Variants in DGKB observed in about 807,000 individuals in gnomAD.
The protein encoded by DGKB is 90 kDa diacylglycerol kinase.
In DGKB, 67 loss-of-function variants were observed where a neutral mutation model predicts 114.3. That is an observed-to-expected ratio of 0.59 (90% CI 0.48 to 0.72). DGKB has a LOEUF of 0.72. Ranked by LOEUF, DGKB falls within the 30% of genes least tolerant of loss-of-function variation. The probability of loss-of-function intolerance (pLI) is 0.00; values close to 1 mark genes in which losing one functional copy is unlikely to be tolerated. For synonymous variants in DGKB, 398 were observed against 323.1 expected (o/e 1.23, Z -2.49); for missense variants, 907 against 975.2 (o/e 0.93, Z 0.93).
chr7:14,948,391 C>T (rs1270556956), intron 1 of DGKB, among the ~76,000 whole-genome samples: 1 of 151,736 alleles, frequency 6.6e-6, no homozygotes, highest in Non-Finnish European at 1.5e-5. Flanking sequence ...GTGTCATGCA[C>T]TACTGGTTTC....
At chr7:14,614,413 G>A (rs10245139) in intron 15 of DGKB, among the ~76,000 whole-genome samples, 1 of 151,952 alleles carries the variant, frequency 6.6e-6, no homozygotes, top group African/African-American at 2.4e-5. Context: ...AATAACAAAA[G>A]TATTCAGCTA....
At chr7:14,505,316 G>A (rs112194662) in intron 20 of DGKB, among the ~76,000 whole-genome samples, 8 of 151,906 alleles carry the variant, frequency 5.3e-5, no homozygotes, top group African/African-American at 1.2e-4. Flanking sequence ...TTAGCTGGGC[G>A]TGTTGGCACA....
At chr7:14,893,596 G>T (rs1401429145) in intron 1 of DGKB, among the ~76,000 whole-genome samples, 1 of 151,038 alleles carries the variant, frequency 6.6e-6, no homozygotes, top group Non-Finnish European at 1.5e-5. Context: ...TTCCTAGTTC[G>T]TTGCCGTTAT....
rs931684240 is a variant in DGKB at position 14,709,051 on chromosome 7, T to C, written c.467-7321A>G. On this transcript the variant is annotated intron_variant, in intron 6 of 25. Coordinates refer to ENST00000402815, the MANE Select transcript of DGKB (RefSeq NM_001350709.2). ...GCAACCTACAAAATGGGAGAAGATT[T>C]TCGCAACCTACTCATCTGACAAAGG... Among the ~76,000 whole-genome samples, 4 of 141,396 alleles carry C rather than the reference T, an allele frequency of 2.8e-5. 1 individual carries two copies. The highest frequency in any genetic ancestry group is 1.1e-4 in the African/African-American group (4 of 37,396). 92.8% of individuals were successfully genotyped at this position (141,396 alleles called of 152,430 possible).
intron 23 of DGKB, among the ~76,000 whole-genome samples, chr7:14,188,659 CAAAAAAAAAAA>C (rs35808078): frequency 5.9e-5 from 2 of 34,088 alleles, no homozygotes; most frequent in African/African-American, 1.8e-4. Flanking sequence ...GACTCCGTCT[CAAAAAAAAAAA>C]AAAAAAAAAA....
intron 1 of DGKB, among the ~76,000 whole-genome samples, chr7:14,914,263 C>G (rs1398520485): frequency 6.6e-6 from 1 of 152,066 alleles, no homozygotes; most frequent in Non-Finnish European, 1.5e-5. Context: ...GGCTGATATA[C>G]CCATCTGAGG....
intron 23 of DGKB, among the ~76,000 whole-genome samples, chr7:14,294,820 C>A (rs1437017249): frequency 6.6e-6 from 1 of 152,126 alleles, no homozygotes; most frequent in African/African-American, 2.4e-5. Flanking sequence ...AAGTGACTCA[C>A]TAGTTTAATG....
intron 23 of DGKB, among the ~76,000 whole-genome samples, chr7:14,263,628 A>G (rs1797084303): frequency 6.6e-6 from 1 of 152,190 alleles, no homozygotes; most frequent in Admixed American, 6.5e-5. Context: ...CAGAAGAGCA[A>G]CATTCTTTCT....
intron 9 of DGKB, among the ~76,000 whole-genome samples, chr7:14,691,962 A>T: frequency 6.6e-6 from 1 of 152,100 alleles, no homozygotes; most frequent in East Asian, 1.9e-4. Flanking sequence ...AAAGTAAATT[A>T]TGTACAGTTA....
At chr7:14,696,334 A>C (rs955041635) in intron 8 of DGKB, among the ~76,000 whole-genome samples, 3 of 151,384 alleles carry the variant, frequency 2.0e-5, no homozygotes, top group Admixed American at 6.6e-5. Context: ...TCTACTAAAA[A>C]TACAAAAAAA....
intron 23 of DGKB, among the ~76,000 whole-genome samples, chr7:14,214,733 T>C (rs965948793): frequency 6.6e-6 from 1 of 152,088 alleles, no homozygotes; most frequent in Non-Finnish European, 1.5e-5. Context: ...AAATATATAA[T>C]TTCACCCACA....
intron 2 of DGKB, among the ~76,000 whole-genome samples, chr7:14,830,990 T>C (rs1846340230): frequency 6.6e-6 from 1 of 151,942 alleles, no homozygotes; most frequent in Non-Finnish European, 1.5e-5. Context: ...TAAAATGAAA[T>C]GGAAGAATTA....
At chr7:14,769,523 T>C (rs1025180200) in intron 2 of DGKB, among the ~76,000 whole-genome samples, 2 of 151,156 alleles carry the variant, frequency 1.3e-5, no homozygotes, top group African/African-American at 2.4e-5. Flanking sequence ...ATTTATTTAG[T>C]AATGAAAAAA....
intron 13 of DGKB, among the ~76,000 whole-genome samples, chr7:14,668,345 G>C (rs1193078826): frequency 6.6e-6 from 1 of 152,096 alleles, no homozygotes; most frequent in Admixed American, 6.6e-5. Flanking sequence ...GTTTGGGAAA[G>C]TTGGGGTGTG....
intron 2 of DGKB, among the ~76,000 whole-genome samples, chr7:14,814,974 C>T: frequency 6.6e-6 from 1 of 152,082 alleles, no homozygotes; most frequent in East Asian, 1.9e-4. Flanking sequence ...TTTCTCTAAC[C>T]TCCATATTTC....
Position 14,710,798 on chromosome 7 carries a change from A to G in DGKB, c.466+7744T>C, listed in dbSNP as rs182255969. ...TTATTCTCTTAATGTGGCATAATACATTGTTTCATTTTCTAAAGTTAAGTC... is the reference window on the plus strand; with the variant it reads ...TTATTCTCTTAATGTGGCATAATACGTTGTTTCATTTTCTAAAGTTAAGTC... On this transcript the variant is annotated intron_variant, in intron 6 of 25. Coordinates refer to ENST00000402815, the MANE Select transcript of DGKB (RefSeq NM_001350709.2). Among the ~76,000 whole-genome samples, 799 of 152,214 alleles carry G rather than the reference A, an allele frequency of 5.2e-3. 5 individuals are homozygous for G. Among genetic ancestry groups the G allele is most frequent in the African/African-American group, 0.018 (742 of 41,554 alleles).
At chr7:14,493,644 A>G (rs897063425) in intron 20 of DGKB, among the ~76,000 whole-genome samples, 9 of 152,160 alleles carry the variant, frequency 5.9e-5, no homozygotes, top group Admixed American at 2.0e-4. Flanking sequence ...GGACAAAGGG[A>G]TGATTCAAGA....
At chr7:14,238,559 T>G (rs1254189711) in intron 23 of DGKB, among the ~76,000 whole-genome samples, 1 of 144,646 alleles carries the variant, frequency 6.9e-6, no homozygotes, top group East Asian at 2.0e-4. Context: ...ATAACTTTTC[T>G]TAGAGTACAT....
intron 23 of DGKB, among the ~76,000 whole-genome samples, chr7:14,258,470 G>A (rs1796268518): frequency 6.6e-6 from 1 of 152,120 alleles, no homozygotes; most frequent in Admixed American, 6.5e-5. Context: ...TTTATAAACA[G>A]CTGAAATTAG....
Sources: gnomAD v4.1 joint callset for allele counts (sites outside exome capture counted in the v4.1 genomes callset) on GRCh38, gnomAD v4.1.1 for gene constraint, MANE v1.5 for transcripts, NCBI Gene and HGNC (gene_info 2026-07-23, HGNC 2026-07-21) for gene names.